HTR4: variants seen among roughly 807,000 people sequenced by gnomAD.
HTR4 encodes 5-hydroxytryptamine receptor 4.
In HTR4, 16 loss-of-function variants were observed where a neutral mutation model predicts 36.8. That is an observed-to-expected ratio of 0.43 (90% CI 0.29 to 0.66). The LOEUF (loss-of-function observed/expected upper bound fraction) is 0.66, where lower values mean the gene tolerates loss of function less well. Among genes scored for constraint, HTR4 ranks in the 30% least tolerant of loss-of-function variants. The probability of loss-of-function intolerance (pLI) is 0.13; values close to 1 mark genes in which losing one functional copy is unlikely to be tolerated. For synonymous variants in HTR4, 189 were observed against 185.1 expected (o/e 1.02, Z -0.17); for missense variants, 438 against 490.9 (o/e 0.89, Z 1.02).
chr5:148,645,260 A>G (rs200506073), intron 1 of HTR4: 1 of 152,222 alleles, frequency 6.6e-6, no homozygotes, highest in East Asian at 1.9e-4. Flanking sequence ...TTTCAAGAGC[A>G]TAAGGTCACT....
intron 2 of HTR4, among the ~76,000 whole-genome samples, chr5:148,604,466 T>C (rs970964150): frequency 6.6e-6 from 1 of 152,152 alleles, no homozygotes; most frequent in Non-Finnish European, 1.5e-5. Context: ...AAGCTGAATA[T>C]ACACATAGCC....
chr5:148,560,174 CT>C (rs1172843176), intron 2 of HTR4, among the ~76,000 whole-genome samples: 2 of 110,328 alleles, frequency 1.8e-5, no homozygotes, highest in Non-Finnish European at 3.8e-5. Context: ...TTTTTCTTTT[CT>C]TTTTTCTTTT....
chr5:148,574,955 A>G (rs536739949), intron 2 of HTR4, among the ~76,000 whole-genome samples: 5 of 152,238 alleles, frequency 3.3e-5, no homozygotes, highest in Admixed American at 1.3e-4. Flanking sequence ...AGGATAACTA[A>G]TGAGTTTTCC....
Position 148,481,666 on chromosome 5 carries a change from T to A in HTR4, c.*1537A>T. On this transcript the variant is annotated 3_prime_UTR_variant, in exon 7 of 7. Coordinates refer to ENST00000377888, the MANE Select transcript of HTR4 (RefSeq NM_000870.7). ...AACAATGGAAACAATAACTGACACC[T>A]TATAAGCAATAAGAAAAAAAGAGAA... The A allele has an allele frequency of 6.7e-7, 1 of 1,488,608 alleles. No homozygotes were observed. The highest frequency in any genetic ancestry group is 8.8e-7 in the Non-Finnish European group (1 of 1,132,996). The allele number at this position is 1,488,608 out of a possible 1,614,324, so 92.2% of individuals were successfully genotyped here.
intron 2 of HTR4, among the ~76,000 whole-genome samples, chr5:148,612,136 A>G (rs1283314803): frequency 3.3e-5 from 5 of 152,200 alleles, no homozygotes; most frequent in Non-Finnish European, 5.9e-5. Flanking sequence ...GAAAGTCAAC[A>G]AGGATACCCA....
At chr5:148,633,911 C>T (rs968558937) in intron 2 of HTR4, among the ~76,000 whole-genome samples, 2 of 152,048 alleles carry the variant, frequency 1.3e-5, no homozygotes, top group Admixed American at 1.3e-4. Flanking sequence ...AGCTTGTACA[C>T]TGTAACTACT....
At position 148,564,803 on chromosome 5, in the gene HTR4, G is replaced by A. The variant is rs564736304; in HGVS notation, c.27-14541C>T. ...ATTTTCTAGTCATGTCCTGGGCACC[G>A]AAGTTGTTATAAAGATTAATAAATT... On this transcript the variant is annotated intron_variant, in intron 2 of 6. Transcript: ENST00000377888. 2.0e-5 allele frequency among the ~76,000 whole-genome samples: 3 copies of A among 152,136 alleles called. No individual in the cohort carries two copies. The East Asian group carries it at 5.8e-4, about 29-fold the overall frequency.
Position 148,634,909 on chromosome 5 carries a change from A to C in HTR4, c.26+2080T>G, listed in dbSNP as rs567971168. 2.0e-5 allele frequency among the ~76,000 whole-genome samples: 3 copies of C among 152,320 alleles called. No individual in the cohort carries two copies. In the East Asian group the frequency reaches 5.8e-4, roughly 29 times the overall value. On this transcript the variant is annotated intron_variant, in intron 2 of 6. Transcript: ENST00000377888. ...CAAGTGGGGACATCCCTTATCAAAG[A>C]AGAATTTCTGGTTCATGCTTTTAAA...
chr5:148,458,010 TAA>T (rs1755155951), intron 5 of HTR4, among the ~76,000 whole-genome samples: 1 of 138,850 alleles, frequency 7.2e-6, no homozygotes, highest in South Asian at 2.2e-4. Context: ...TAAGATATAT[TAA>T]ATATTAAATT....
At chr5:148,510,982 C>T (rs147978320) in intron 5 of HTR4, among the ~76,000 whole-genome samples, 2 of 152,174 alleles carry the variant, frequency 1.3e-5, no homozygotes, top group African/African-American at 4.8e-5. Context: ...AGAACCTAGA[C>T]AACACTCAAT....
Position 148,636,978 on chromosome 5 carries a change from A to T in HTR4, c.26+11T>A, listed in dbSNP as rs778997678. The T allele has an allele frequency of 5.2e-6, 8 of 1,552,426 alleles. No homozygotes were observed. Among genetic ancestry groups the T allele is most frequent in the Non-Finnish European group, 7.1e-6 (8 of 1,125,506 alleles). On this transcript the variant is annotated intron_variant, in intron 2 of 6. Transcript: ENST00000377888. ...AGTTTACAACACAATATGTACAGAA[A>T]GGTAACATACCTCACATTAGCATCA...
chr5:148,550,082 T>C, intron 3 of HTR4, 55 bp downstream of exon 3: 1 of 1,599,862 alleles, frequency 6.3e-7, no homozygotes, highest in Non-Finnish European at 8.5e-7. Flanking sequence ...CCCAACTCTC[T>C]AGGGACAGCT....
Position 148,560,205 on chromosome 5 carries a change from T to TAAAA in HTR4, c.27-9947_27-9944dup, listed in dbSNP as rs34166829. Among the ~76,000 whole-genome samples the TAAAA allele has an allele frequency of 5.5e-5, 5 of 91,430 alleles. No individual in the cohort carries two copies. In the East Asian group the frequency reaches 8.8e-4, roughly 16 times the overall value. 60.0% of individuals were successfully genotyped at this position (91,430 alleles called of 152,430 possible). A position where few individuals can be genotyped will look rare whatever the true frequency, so the allele number is the denominator to read the frequency against. ...TCTTTTTTACGGAAAGCTTTTTTTTTAAAAAAAAAAAAAAAAAAAAGAGGA... is the reference window on the plus strand; with the variant it reads ...TCTTTTTTACGGAAAGCTTTTTTTTTAAAAAAAAAAAAAAAAAAAAAAAAGAGGA... On this transcript the variant is annotated intron_variant, in intron 2 of 6. Transcript: ENST00000377888.
intron 1 of HTR4, among the ~76,000 whole-genome samples, chr5:148,651,542 G>A (rs943790622): frequency 6.6e-6 from 1 of 152,074 alleles, no homozygotes; most frequent in African/African-American, 2.4e-5. Context: ...GTCCCAAGTA[G>A]GGGTTGCTGC....
At chr5:148,464,367 T>C (rs991462509) in intron 5 of HTR4, among the ~76,000 whole-genome samples, 8 of 152,108 alleles carry the variant, frequency 5.3e-5, no homozygotes, top group Non-Finnish European at 1.0e-4. Flanking sequence ...TTATCCAAAA[T>C]ATACAAAGAA....
At chr5:148,525,007 C>T (rs968398415) in intron 4 of HTR4, among the ~76,000 whole-genome samples, 2 of 152,152 alleles carry the variant, frequency 1.3e-5, no homozygotes, top group African/African-American at 4.8e-5. Flanking sequence ...GTGCCAAAAG[C>T]TCCTTGTAGC....
chr5:148,643,623 T>A (rs1017544600), intron 1 of HTR4, among the ~76,000 whole-genome samples: 1 of 152,190 alleles, frequency 6.6e-6, no homozygotes, highest in Non-Finnish European at 1.5e-5. Flanking sequence ...AAAAGAGATA[T>A]AGTACATGAT....
intron 2 of HTR4, among the ~76,000 whole-genome samples, chr5:148,627,483 C>T (rs947428749): frequency 2.0e-5 from 3 of 152,158 alleles, no homozygotes; most frequent in Non-Finnish European, 4.4e-5. Flanking sequence ...AGGCTAGAAA[C>T]GTCAGTTACA....
At chr5:148,519,519 T>A (rs750953851) in intron 5 of HTR4, among the ~76,000 whole-genome samples, 3 of 152,216 alleles carry the variant, frequency 2.0e-5, no homozygotes, top group Admixed American at 6.5e-5. Flanking sequence ...TAGGTTTATA[T>A]GTGTGGGTAT....
Sources: allele counts gnomAD v4.1 joint callset (sites outside exome capture counted in the v4.1 genomes callset), GRCh38; gene constraint gnomAD v4.1.1; transcripts MANE v1.5; gene names NCBI Gene and HGNC (gene_info 2026-07-23, HGNC 2026-07-21).